SLC24A2: variants seen among roughly 807,000 people sequenced by gnomAD.
SLC24A2 encodes sodium/potassium/calcium exchanger 2.
A neutral mutation model predicts 62.0 loss-of-function variants in SLC24A2; 36 were observed. That is an observed-to-expected ratio of 0.58 (90% CI 0.44 to 0.77). The LOEUF is 0.77. Ranked by LOEUF, SLC24A2 falls within the 30% of genes least tolerant of loss-of-function variation. SLC24A2 has a pLI of 0.00. For synonymous variants in SLC24A2, 358 were observed against 294.0 expected (o/e 1.22, Z -2.23); for missense variants, 846 against 817.9 (o/e 1.03, Z -0.42).
At chr9:19,520,606 T>C (rs1282162144) in intron 10 of SLC24A2, among the ~76,000 whole-genome samples, 1 of 152,118 alleles carries the variant, frequency 6.6e-6, no homozygotes, top group Non-Finnish European at 1.5e-5. Context: ...TCAGTTCCAC[T>C]TGAATGTTGT....
the SLC24A2 span, among the ~76,000 whole-genome samples, chr9:20,303,894 C>T: frequency 2.6e-5 from 4 of 152,164 alleles, no homozygotes; most frequent in Non-Finnish European, 4.4e-5. Flanking sequence ...TCAGTGGGTG[C>T]TGTGCATCTT....
chr9:20,145,937 A>G, the SLC24A2 span, among the ~76,000 whole-genome samples: 3 of 46,950 alleles, frequency 6.4e-5, no homozygotes, highest in African/African-American at 1.9e-4. Flanking sequence ...TTTATTTTGT[A>G]TATCTTGTCA....
the SLC24A2 span, among the ~76,000 whole-genome samples, chr9:19,951,552 T>C: frequency 5.5e-5 from 4 of 73,330 alleles, no homozygotes; most frequent in South Asian, 3.9e-4. Flanking sequence ...TGAGGTAAGG[T>C]CAAGATTTAT....
the SLC24A2 span, among the ~76,000 whole-genome samples, chr9:19,801,486 A>G: frequency 4.6e-5 from 7 of 152,302 alleles, no homozygotes; most frequent in East Asian, 1.2e-3. Flanking sequence ...CACGGACCAG[A>G]AGAGTGTAGT....
intron 2 of SLC24A2, among the ~76,000 whole-genome samples, chr9:19,680,852 T>TGTGTGA (rs1491119297): frequency 9.7e-3 from 195 of 20,052 alleles, no homozygotes; most frequent in Admixed American, 0.056. Flanking sequence ...ATACCAGAGT[T>TGTGTGA]GTGTGTGTGT....
intron 2 of SLC24A2, among the ~76,000 whole-genome samples, chr9:19,659,188 G>A (rs557824905): frequency 6.6e-6 from 1 of 152,266 alleles, no homozygotes; most frequent in African/African-American, 2.4e-5. Flanking sequence ...TGAAGGCAGA[G>A]ATTCCAATTA....
the SLC24A2 span, among the ~76,000 whole-genome samples, chr9:20,248,227 G>C: frequency 6.6e-6 from 1 of 152,194 alleles, no homozygotes; most frequent in African/African-American, 2.4e-5. Context: ...AACCCGTATG[G>C]GAGCTCCCAC....
At chr9:20,217,858 G>C in the SLC24A2 span, among the ~76,000 whole-genome samples, 1 of 152,090 alleles carries the variant, frequency 6.6e-6, no homozygotes, top group Non-Finnish European at 1.5e-5. Flanking sequence ...CTTTTGTATT[G>C]CTTTTCTATC....
chr9:19,983,542 C>G, the SLC24A2 span, among the ~76,000 whole-genome samples: 1 of 152,138 alleles, frequency 6.6e-6, no homozygotes, highest in Non-Finnish European at 1.5e-5. Flanking sequence ...GCTCGGGAGG[C>G]TGAGGCAGGA....
chr9:20,079,207 G>A, the SLC24A2 span, among the ~76,000 whole-genome samples: 1 of 152,174 alleles, frequency 6.6e-6, no homozygotes, highest in Non-Finnish European at 1.5e-5. Flanking sequence ...AGGGATGAGA[G>A]CCCTGCTAAT....
the SLC24A2 span, among the ~76,000 whole-genome samples, chr9:20,015,447 A>G: frequency 6.6e-6 from 1 of 152,232 alleles, no homozygotes; most frequent in East Asian, 1.9e-4. Context: ...TGAGTTGTGT[A>G]AAATCAACTC....
At chr9:19,756,444 G>A (rs1822142227) in intron 2 of SLC24A2, among the ~76,000 whole-genome samples, 2 of 152,080 alleles carry the variant, frequency 1.3e-5, no homozygotes, top group African/African-American at 4.8e-5. Context: ...TAACATTTTT[G>A]GACAGCTTTT....
the SLC24A2 span, among the ~76,000 whole-genome samples, chr9:19,896,614 A>T: frequency 3.3e-5 from 5 of 152,216 alleles, no homozygotes; most frequent in Non-Finnish European, 7.3e-5. Flanking sequence ...GCATTGGAGC[A>T]GTTAGGTAAT....
chr9:20,014,517 T>TACACAC, the SLC24A2 span, among the ~76,000 whole-genome samples: 13 of 148,414 alleles, frequency 8.8e-5, no homozygotes, highest in South Asian at 4.3e-4. Flanking sequence ...TATATATATA[T>TACACAC]ACACACACAC....
At chr9:19,902,833 A>G in the SLC24A2 span, among the ~76,000 whole-genome samples, 3 of 152,206 alleles carry the variant, frequency 2.0e-5, no homozygotes, top group Non-Finnish European at 4.4e-5. Context: ...CTTCTGAGAT[A>G]TAGTGTGAGT....
chr9:20,002,394 T>A, the SLC24A2 span, among the ~76,000 whole-genome samples: 198 of 151,180 alleles, frequency 1.3e-3, no homozygotes, highest in African/African-American at 4.7e-3. Flanking sequence ...CAGTAACAAT[T>A]ATTAGTTTGG....
chr9:19,737,387 G>T (rs1821540701), intron 2 of SLC24A2, among the ~76,000 whole-genome samples: 1 of 152,078 alleles, frequency 6.6e-6, no homozygotes, highest in African/African-American at 2.4e-5. Flanking sequence ...TATGAAACAT[G>T]CATGGGTGTT....
rs1489410690 is a variant in SLC24A2 at position 19,510,978 on chromosome 9, T to TG, written c.*5174dup. 1.3e-5 allele frequency: 2 copies of TG among 152,216 alleles called. No homozygotes were observed. The highest frequency in any genetic ancestry group is 4.8e-5 in the African/African-American group (2 of 41,448). The allele number at this position is 152,216 out of a possible 1,614,324, so 9.4% of individuals were successfully genotyped here. A position where few individuals can be genotyped will look rare whatever the true frequency, so the allele number is the denominator to read the frequency against. On this transcript the variant is annotated 3_prime_UTR_variant, in exon 11 of 11. Coordinates refer to ENST00000341998, the MANE Select transcript of SLC24A2 (RefSeq NM_020344.4). ...GAGTTTGGGTGGTTCTGAGCAAGGC[T>TG]GGTGCCCCATGTGTGAGGAAGGCAT...
chr9:19,929,840 C>T, the SLC24A2 span: 1 of 152,124 alleles, frequency 6.6e-6, no homozygotes, highest in Non-Finnish European at 1.5e-5. Context: ...TACTGATGCT[C>T]CTGACCCTGT....
Sources: allele counts gnomAD v4.1 joint callset (sites outside exome capture counted in the v4.1 genomes callset), GRCh38; gene constraint gnomAD v4.1.1; transcripts MANE v1.5; gene names NCBI Gene and HGNC (gene_info 2026-07-23, HGNC 2026-07-21).